ANGPT1: variants seen among roughly 807,000 people sequenced by gnomAD.
ANGPT1 encodes angiopoietin-1.
Under a neutral mutation model 62.2 loss-of-function variants are expected in ANGPT1, and 17 were observed. The observed-to-expected ratio is 0.27, with a 90% CI of 0.19 to 0.41. The LOEUF is 0.41. Among genes scored for constraint, ANGPT1 ranks in the 10% least tolerant of loss-of-function variants. The pLI is 1.00. For synonymous variants in ANGPT1, 199 were observed against 198.9 expected (o/e 1.00, Z 0.00); for missense variants, 478 against 594.9 (o/e 0.80, Z 2.04).
intron 8 of ANGPT1, among the ~76,000 whole-genome samples, chr8:107,256,833 T>C (rs1368199502): frequency 6.6e-6 from 1 of 152,010 alleles, no homozygotes. Flanking sequence ...TTTTTTGTTT[T>C]GTTTTGTTCT....
At chr8:107,383,674 T>C (rs1283083857) in intron 1 of ANGPT1, among the ~76,000 whole-genome samples, 3 of 152,108 alleles carry the variant, frequency 2.0e-5, no homozygotes, top group African/African-American at 7.2e-5. Flanking sequence ...GAAGAGACAT[T>C]CCAACATCAA....
chr8:107,405,625 G>A (rs1420729753), intron 1 of ANGPT1, among the ~76,000 whole-genome samples: 3 of 151,814 alleles, frequency 2.0e-5, no homozygotes, highest in Non-Finnish European at 4.4e-5. Context: ...CCATTCCCAA[G>A]GTGTATGATT....
In ANGPT1 at chr8:107,282,438, A is replaced by G. The variant is rs199840616; in HGVS notation, c.1205+2244T>C. Among the ~76,000 whole-genome samples the G allele has an allele frequency of 1.7e-3, 249 of 142,948 alleles. 2 individuals carry two copies. Among genetic ancestry groups the G allele is most frequent in the African/African-American group, 5.2e-3 (200 of 38,476 alleles). 93.8% of individuals were successfully genotyped at this position (142,948 alleles called of 152,430 possible). The stretch of plus-strand genomic sequence containing the variant: ...GGCTCATATGTATATATATGTGTGT[A>G]TGTGTGTGTGTGTGTGTGCGTGTGT... On this transcript the variant is annotated intron_variant, in intron 7 of 8. Coordinates refer to ENST00000517746, the MANE Select transcript of ANGPT1 (RefSeq NM_001146.5).
At chr8:107,266,460 A>T (rs529009049) in intron 7 of ANGPT1, among the ~76,000 whole-genome samples, 1 of 152,196 alleles carries the variant, frequency 6.6e-6, no homozygotes, top group Non-Finnish European at 1.5e-5. Context: ...GCCAAATTAT[A>T]ATCAGAAAGT....
chr8:107,304,468 G>GT (rs1814668227), intron 4 of ANGPT1, among the ~76,000 whole-genome samples: 2 of 151,564 alleles, frequency 1.3e-5, no homozygotes, highest in Admixed American at 1.3e-4. Flanking sequence ...AACACATTGA[G>GT]TTATAATAGT....
At chr8:107,296,457 TC>T (rs1814419510) in intron 5 of ANGPT1, among the ~76,000 whole-genome samples, 1 of 151,934 alleles carries the variant, frequency 6.6e-6, no homozygotes, top group South Asian at 2.1e-4. Flanking sequence ...TTCAGAAAAG[TC>T]AAGATAAAAA....
At chr8:107,400,135 G>T (rs1817016752) in intron 1 of ANGPT1, among the ~76,000 whole-genome samples, 1 of 152,126 alleles carries the variant, frequency 6.6e-6, no homozygotes, top group African/African-American at 2.4e-5. Flanking sequence ...CCATTTGTGG[G>T]AAGTCATGTC....
chr8:107,467,709 C>A (rs372576400), intron 1 of ANGPT1, among the ~76,000 whole-genome samples: 1 of 152,094 alleles, frequency 6.6e-6, no homozygotes, highest in South Asian at 2.1e-4. Context: ...AAATTGACCA[C>A]ACAATGGCAA....
chr8:107,475,166 G>A lies in ANGPT1; in HGVS notation c.297+22096C>T, dbSNP rs943247587. On this transcript the variant is annotated intron_variant, in intron 1 of 8. Transcript: ENST00000517746. ...AAAAGAACAAAGCTGGAGGCATCAC[G>A]CTACCTGACTTCAAACTATACTACA... Among the ~76,000 whole-genome samples the A allele has an allele frequency of 3.3e-5, 5 of 151,944 alleles. No homozygotes were observed. The East Asian group carries it at 5.8e-4, about 18-fold the overall frequency.
intron 3 of ANGPT1, among the ~76,000 whole-genome samples, chr8:107,332,036 C>T (rs1476739310): frequency 6.6e-6 from 1 of 152,122 alleles, no homozygotes; most frequent in African/African-American, 2.4e-5. Flanking sequence ...GCCAGTTGAC[C>T]AAACCTTTCG....
chr8:107,367,057 C>T (rs1351459255), intron 1 of ANGPT1, among the ~76,000 whole-genome samples: 1 of 152,120 alleles, frequency 6.6e-6, no homozygotes, highest in African/African-American at 2.4e-5. Flanking sequence ...ACCAGAATCA[C>T]CCAGGCTAAG....
intron 1 of ANGPT1, among the ~76,000 whole-genome samples, chr8:107,419,705 A>G (rs1162617540): frequency 1.3e-5 from 2 of 152,104 alleles, no homozygotes; most frequent in African/African-American, 2.4e-5. Flanking sequence ...CTACAGAGAC[A>G]AGGAGAGAGA....
intron 4 of ANGPT1, among the ~76,000 whole-genome samples, chr8:107,314,540 A>G (rs1242466926): frequency 6.6e-6 from 1 of 152,236 alleles, no homozygotes; most frequent in African/African-American, 2.4e-5. Context: ...AAGGAGAAAT[A>G]TACCATTTCC....
intron 1 of ANGPT1, among the ~76,000 whole-genome samples, chr8:107,385,754 G>A (rs1816720201): frequency 1.3e-5 from 2 of 151,978 alleles, no homozygotes; most frequent in Admixed American, 1.3e-4. Flanking sequence ...TCAGTACGAT[G>A]TTGCTGTGGG....
intron 3 of ANGPT1, among the ~76,000 whole-genome samples, chr8:107,332,526 G>T (rs1815448132): frequency 6.6e-6 from 1 of 152,138 alleles, no homozygotes; most frequent in Admixed American, 6.6e-5. Context: ...AATCTCATGA[G>T]GCCAAAAATC....
At chr8:107,380,788 A>G (rs913297883) in intron 1 of ANGPT1, among the ~76,000 whole-genome samples, 6 of 152,214 alleles carry the variant, frequency 3.9e-5, no homozygotes, top group African/African-American at 1.2e-4. Context: ...GGGCAGAGCC[A>G]CAGAGAACAA....
intron 7 of ANGPT1, among the ~76,000 whole-genome samples, chr8:107,273,873 C>T (rs1446246525): frequency 6.1e-5 from 9 of 147,530 alleles, no homozygotes; most frequent in African/African-American, 2.3e-4. Flanking sequence ...TAAATTTATA[C>T]AAAATTTTGT....
At position 107,422,077 on chromosome 8, in the gene ANGPT1, TCTA is replaced by T. The variant is rs754687667; in HGVS notation, c.298-74983_298-74981del. 1.3e-5 allele frequency among the ~76,000 whole-genome samples: 2 copies of T among 152,152 alleles called. 1 individual carries two copies. Among genetic ancestry groups the T allele is most frequent in the Non-Finnish European group, 2.9e-5 (2 of 68,030 alleles). On this transcript the variant is annotated intron_variant, in intron 1 of 8. Coordinates refer to ENST00000517746, the MANE Select transcript of ANGPT1 (RefSeq NM_001146.5). The stretch of plus-strand genomic sequence containing the variant: ...TCCATACCTCTAAAATTTACTAAAA[TCTA>T]CTACAAATGAGAATACTTCATTCCA...
At chr8:107,428,280 G>C (rs180966680) in intron 1 of ANGPT1, among the ~76,000 whole-genome samples, 93 of 152,198 alleles carry the variant, frequency 6.1e-4, no homozygotes, top group Admixed American at 2.6e-3. Context: ...AGTTCGTGTG[G>C]GTATAATGTC....
Sources: gnomAD v4.1 joint callset for allele counts (sites outside exome capture counted in the v4.1 genomes callset) on GRCh38, gnomAD v4.1.1 for gene constraint, MANE v1.5 for transcripts, NCBI Gene and HGNC (gene_info 2026-07-23, HGNC 2026-07-21) for gene names.